The following RMDN3 variants were observed in gnomAD, a reference collection of about 807,000 sequenced individuals.
RMDN3 encodes regulator of microtubule dynamics protein 3.
A neutral mutation model predicts 61.8 loss-of-function variants in RMDN3; 41 were observed. The ratio of observed to expected loss-of-function variants is 0.66; its 90% CI spans 0.52 to 0.86. The LOEUF is 0.86. RMDN3 is among the 40% of genes least tolerant of loss of function. The pLI is 0.00. For missense variants in RMDN3, 557 were observed against 585.3 expected (o/e 0.95, Z 0.50); for synonymous variants, 247 against 232.0 (o/e 1.06, Z -0.59).
Position 40,751,916 on chromosome 15 carries a change from G to C in RMDN3, c.380+70C>G. The C allele has an allele frequency of 3.3e-6, 5 of 1,505,586 alleles. No individual in the cohort carries two copies. In the South Asian group the frequency reaches 6.0e-5, roughly 18 times the overall value. 93.3% of individuals were successfully genotyped at this position (1,505,586 alleles called of 1,614,324 possible). A position where few individuals can be genotyped will look rare whatever the true frequency, so the allele number is the denominator to read the frequency against. On this transcript the variant is annotated intron_variant, in intron 3 of 12. Transcript: ENST00000338376. ...TTATTCTTTAGAGACAGACAGCGAA[G>C]GCCAGAACACACCCCAGCTGAAAAG...
In RMDN3 at chr15:40,754,770, C is replaced by A. The variant is rs1368339655; in HGVS notation, c.14G>T (p.Gly5Val). 1 of 1,604,690 alleles carries A rather than the reference C, an allele frequency of 6.2e-7. No individual in the cohort carries two copies. The highest frequency in any genetic ancestry group is 1.1e-5 in the South Asian group (1 of 90,366). The change falls in exon 2 of 13, where the codon GGA (glycine) becomes GTA (valine). Residue 5 changes from glycine to valine, a missense_variant. Coordinates refer to ENST00000338376, the MANE Select transcript of RMDN3 (RefSeq NM_018145.3). The part of the protein sequence containing the change: MSRL[G>V]ALGGARAGLG... ...CCCGGCACGGGCACCACCCAGGGCT[C>A]CCAGTCTAGACATGCTGCACCTGCG...
chr15:40,739,131 T>A (rs1897181049), intron 7 of RMDN3: 1 of 152,286 alleles, frequency 6.6e-6, no homozygotes, highest in South Asian at 2.1e-4. Flanking sequence ...TATATATGCC[T>A]TCTCCCCCAC....
intron 10 of RMDN3, 123 bp from the exon 11 acceptor site, chr15:40,737,464 T>C: frequency 8.7e-7 from 1 of 1,150,302 alleles, no homozygotes; most frequent in Non-Finnish European, 1.3e-6. Context: ...AAGAAACCTA[T>C]ATTTTTGATA....
Position 40,745,139 on chromosome 15 carries a change from C to T in RMDN3, c.645G>A (p.Leu215=), listed in dbSNP as rs759553883. ...VKMGRKDSLD[L]EEEAASGASS... ...AGGCACCTGAAGCTGCCTCTTCCTCCAAGTCAAGAGAATCCTTTCTCCCCA... is the reference window on the plus strand; with the variant it reads ...AGGCACCTGAAGCTGCCTCTTCCTCTAAGTCAAGAGAATCCTTTCTCCCCA... Residue 215 remains leucine, a synonymous_variant, in exon 5 of 13, where the codon TTG becomes TTA. Coordinates refer to ENST00000338376, the MANE Select transcript of RMDN3 (RefSeq NM_018145.3). The T allele has an allele frequency of 6.2e-7, 1 of 1,614,152 alleles. No homozygotes were observed. Among genetic ancestry groups the T allele is most frequent in the Non-Finnish European group, 8.5e-7 (1 of 1,180,020 alleles).
At chr15:40,754,820 G>A in intron 1 of RMDN3, 30 bp from the exon 2 acceptor site, 5 of 1,414,376 alleles carry the variant, frequency 3.5e-6, no homozygotes, top group Non-Finnish European at 4.7e-6. Context: ...CCGGGAGCAG[G>A]CAGGCGGGCG....
chr15:40,736,654 G>A, intron 12 of RMDN3, 60 bp from the exon 13 acceptor site: 1 of 1,492,460 alleles, frequency 6.7e-7, no homozygotes, highest in Non-Finnish European at 9.3e-7. Context: ...TCCCAAACCA[G>A]TGGAACCTAA....
chr15:40,754,993 C>G (rs1199853594), intron 1 of RMDN3, 90 bp downstream of exon 1: 3 of 544,660 alleles, frequency 5.5e-6, no homozygotes, highest in Admixed American at 3.4e-5. Context: ...CCCACTGCCT[C>G]TCTTCTCACC....
intron 6 of RMDN3, among the ~76,000 whole-genome samples, chr15:40,741,452 C>T (rs1223950993): frequency 6.6e-6 from 1 of 151,988 alleles, no homozygotes; most frequent in Non-Finnish European, 1.5e-5. Flanking sequence ...AGATGACGTT[C>T]ACTTAGTCTT....
At chr15:40,741,331 C>A (rs1158097770) in intron 6 of RMDN3, among the ~76,000 whole-genome samples, 1 of 151,914 alleles carries the variant, frequency 6.6e-6, no homozygotes, top group Non-Finnish European at 1.5e-5. Flanking sequence ...CATAGGCAGA[C>A]CCCATCTCTT....
chr15:40,752,509 A>C (rs1897873827), intron 2 of RMDN3, among the ~76,000 whole-genome samples: 1 of 151,684 alleles, frequency 6.6e-6, no homozygotes, highest in Admixed American at 6.6e-5. Flanking sequence ...AAAAACCTTC[A>C]CCTCACCATA....
Position 40,740,155 on chromosome 15 carries a change from C to A in RMDN3, c.949G>T (p.Glu317Ter). Residue 317 changes from glutamate to a stop codon, truncating the protein, a stop_gained, in exon 7 of 13, where the codon GAG (glutamate) becomes TAG (stop). Coordinates refer to ENST00000338376, the MANE Select transcript of RMDN3 (RefSeq NM_018145.3). LOFTEE classifies it high-confidence loss of function. ...TACCACAGGTGACAGTCAGCACTCT[C>A]ATCCCCCTTCTCCAGAGCAGCCTCT... ...EAEAALEKGDESADCHLWYAV... is the reference protein window; with the variant it reads ...EAEAALEKGD The A allele has an allele frequency of 6.2e-7, 1 of 1,612,510 alleles. No homozygotes were observed. The highest frequency in any genetic ancestry group is 8.5e-7 in the Non-Finnish European group (1 of 1,178,900).
Position 40,737,123 on chromosome 15 carries a change from C to A in RMDN3, c.1359+1G>T. On this transcript the variant is annotated splice_donor_variant, in intron 12 of 12. Transcript: ENST00000338376. LOFTEE classifies it high-confidence loss of function. ...CAACAGGCAGTATTAAAAAGCCTTACCTCCTTCGTGACATCTGGCAGCTCC... is the reference window on the plus strand; with the variant it reads ...CAACAGGCAGTATTAAAAAGCCTTAACTCCTTCGTGACATCTGGCAGCTCC... 1 of 1,613,734 alleles carries A rather than the reference C, an allele frequency of 6.2e-7. No homozygotes were observed. Among genetic ancestry groups the A allele is most frequent in the Non-Finnish European group, 8.5e-7 (1 of 1,179,616 alleles).
At position 40,737,960 on chromosome 15, in the gene RMDN3, C is replaced by T. The variant is rs1897127487; in HGVS notation, c.1125+5G>A. 1 of 1,614,114 alleles carries T rather than the reference C, an allele frequency of 6.2e-7. No individual in the cohort carries two copies. The highest frequency in any genetic ancestry group is 8.5e-7 in the Non-Finnish European group (1 of 1,179,964). On this transcript the variant is annotated splice_donor_5th_base_variant and intron_variant, in intron 9 of 12. Transcript: ENST00000338376. ...CATTATGTCAAGCACTGAAACGCAG[C>T]TTACCTGATAGCACCACCTGCCAAG...
chr15:40,750,071 G>A (rs1897746985), intron 4 of RMDN3, among the ~76,000 whole-genome samples: 1 of 152,070 alleles, frequency 6.6e-6, no homozygotes, highest in Non-Finnish European at 1.5e-5. Flanking sequence ...TATTTACATT[G>A]TATTTTATTT....
At position 40,745,122 on chromosome 15, in the gene RMDN3, G is replaced by A. The variant is rs747930139; in HGVS notation, c.662C>T (p.Ser221Leu). 5.6e-6 allele frequency: 9 copies of A among 1,614,124 alleles called. No homozygotes were observed. Among genetic ancestry groups the A allele is most frequent in the Non-Finnish European group, 5.9e-6 (7 of 1,180,014 alleles). ...DSLDLEEEAA[S>L]GASSALEAGG... is the part of the protein sequence containing the mutation. ...AGCCTCCAGGGCACTGGAGGCACCT[G>A]AAGCTGCCTCTTCCTCCAAGTCAAG... Residue 221 changes from serine to leucine, a missense_variant, in exon 5 of 13, where the codon TCA becomes TTA. Physicochemically the swap from Ser to Leu is moderately radical, Grantham distance 145. Transcript: ENST00000338376.
chr15:40,741,838 G>T (rs1897297818), intron 6 of RMDN3, among the ~76,000 whole-genome samples: 1 of 151,632 alleles, frequency 6.6e-6, no homozygotes, highest in African/African-American at 2.4e-5. Flanking sequence ...TGTTGGCCAG[G>T]CTGGTCTCAA....
At chr15:40,738,078 C>T in intron 8 of RMDN3, 36 bp from the exon 9 acceptor site, 1 of 1,605,502 alleles carries the variant, frequency 6.2e-7, no homozygotes, top group Non-Finnish European at 8.5e-7. Context: ...TAACATCAGA[C>T]ACCAGAGTTG....
rs1294782614 is a variant in RMDN3 at position 40,736,268 on chromosome 15, T to C, written c.*273A>G. 2.2e-6 allele frequency: 1 copy of C among 459,812 alleles called. No individual in the cohort carries two copies. The highest frequency in any genetic ancestry group is 3.8e-6 in the Non-Finnish European group (1 of 260,728). 28.5% of individuals were successfully genotyped at this position (459,812 alleles called of 1,614,324 possible). On this transcript the variant is annotated 3_prime_UTR_variant, in exon 13 of 13. Coordinates refer to ENST00000338376, the MANE Select transcript of RMDN3 (RefSeq NM_018145.3). The stretch of plus-strand genomic sequence containing the variant: ...TCTCAGGTCTTGCAGGCTCTACCCA[T>C]GTGTAATCCTGGGGCAGGTGTGAAT...
rs374051233 is a variant in RMDN3, at chr15:40,745,146, A to G, written c.638T>C (p.Leu213Pro). The G allele has an allele frequency of 1.9e-6, 3 of 1,614,014 alleles. No individual in the cohort carries two copies. Among genetic ancestry groups the G allele is most frequent in the African/African-American group, 2.7e-5 (2 of 74,908 alleles). Reference protein sequence around the residue: ...ETVKMGRKDSLDLEEEAASGA... With the variant: ...ETVKMGRKDSPDLEEEAASGA... ...TGAAGCTGCCTCTTCCTCCAAGTCA[A>G]GAGAATCCTTTCTCCCCATCTTCAC... Residue 213 changes from leucine (L) to proline (P), a missense_variant, in exon 5 of 13, where the codon CTT (leucine) becomes CCT (proline). Coordinates refer to ENST00000338376, the MANE Select transcript of RMDN3 (RefSeq NM_018145.3).
Sources: allele counts gnomAD v4.1 joint callset (sites outside exome capture counted in the v4.1 genomes callset), GRCh38; gene constraint gnomAD v4.1.1; transcripts MANE v1.5; gene names NCBI Gene and HGNC (gene_info 2026-07-23, HGNC 2026-07-21).